NAPG: variants seen among roughly 807,000 people sequenced by gnomAD.
NAPG encodes the protein NSF attachment protein gamma.
In NAPG, 25 loss-of-function variants were observed where a neutral mutation model predicts 48.4. That is an observed-to-expected ratio of 0.52 (90% CI 0.38 to 0.72). The LOEUF (loss-of-function observed/expected upper bound fraction) is 0.72, where lower values mean the gene tolerates loss of function less well. Among genes scored for constraint, NAPG ranks in the 30% least tolerant of loss-of-function variants. The pLI is 0.00. For synonymous variants in NAPG, 139 were observed against 127.2 expected (o/e 1.09, Z -0.62); for missense variants, 359 against 372.5 (o/e 0.96, Z 0.30).
At chr18:10,536,488 T>C (rs559621727) in intron 5 of NAPG, among the ~76,000 whole-genome samples, 1 of 152,356 alleles carries the variant, frequency 6.6e-6, no homozygotes, top group South Asian at 2.1e-4. Context: ...ACTGCTGTGA[T>C]TTCATATCCT....
intron 1 of NAPG, among the ~76,000 whole-genome samples, chr18:10,529,955 A>G (rs936141949): frequency 6.6e-6 from 1 of 152,186 alleles, no homozygotes; most frequent in African/African-American, 2.4e-5. Flanking sequence ...GGCAATTTCT[A>G]TGCACACCCA....
At position 10,534,821 on chromosome 18, in the gene NAPG, A is replaced by G. The variant is rs2031999460; in HGVS notation, c.258+325A>G. On this transcript the variant is annotated intron_variant, in intron 5 of 11. Transcript: ENST00000322897. The surrounding 1 kb of genome is among the most constrained non-coding windows in gnomAD (Gnocchi z 5.0). ...CTCTACTTTTGAGAAGGACATCTAA[A>G]TGTAGTAAAATTTTATAAATATTAA... 6.6e-6 allele frequency among the ~76,000 whole-genome samples: 1 copy of G among 152,268 alleles called. No homozygotes were observed. Among genetic ancestry groups the G allele is most frequent in the African/African-American group, 2.4e-5 (1 of 41,478 alleles).
rs1030587473 is a variant in NAPG, at chr18:10,550,773, G to A, written c.*553G>A. The A allele has an allele frequency of 6.6e-6, 1 of 152,212 alleles. No homozygotes were observed. 9.4% of individuals were successfully genotyped at this position (152,212 alleles called of 1,614,324 possible). On this transcript the variant is annotated 3_prime_UTR_variant, in exon 12 of 12. Coordinates refer to ENST00000322897, the MANE Select transcript of NAPG (RefSeq NM_003826.3). Reference sequence around the variant, plus strand: ...ATTTTGAGCCTTACAATATTATTTAGCCCAATAAAAGATGCATTGAAGCTC... The same window carrying A: ...ATTTTGAGCCTTACAATATTATTTAACCCAATAAAAGATGCATTGAAGCTC...
intron 5 of NAPG, among the ~76,000 whole-genome samples, chr18:10,538,427 A>G (rs1011316190): frequency 1.3e-5 from 2 of 152,196 alleles, no homozygotes; most frequent in African/African-American, 4.8e-5. Flanking sequence ...AATTTTCATG[A>G]AAGTATCTAA....
chr18:10,529,198 G>A (rs1229095486), intron 1 of NAPG, among the ~76,000 whole-genome samples: 1 of 152,062 alleles, frequency 6.6e-6, no homozygotes, highest in African/African-American at 2.4e-5. Flanking sequence ...TTTTTAGTGG[G>A]ATTAAAAAAA....
chr18:10,546,455 A>C lies in NAPG; in HGVS notation c.585+51A>C. ...GGTATTACATTAGATGATTTTTTAT[A>C]CTGGTATGAATAAGTACTTAAGAAA... On this transcript the variant is annotated intron_variant, in intron 9 of 11. Coordinates refer to ENST00000322897, the MANE Select transcript of NAPG (RefSeq NM_003826.3). The surrounding 1 kb of genome is among the most constrained non-coding windows in gnomAD (Gnocchi z 4.0). 2 of 1,057,982 alleles carry C rather than the reference A, an allele frequency of 1.9e-6. No individual in the cohort carries two copies. Among genetic ancestry groups the C allele is most frequent in the South Asian group, 2.9e-5 (2 of 67,894 alleles). The allele number at this position is 1,057,982 out of a possible 1,614,324, so 65.5% of individuals were successfully genotyped here. A position where few individuals can be genotyped will look rare whatever the true frequency, so the allele number is the denominator to read the frequency against.
chr18:10,550,054 A>T, intron 11 of NAPG, 23 bp from the exon 12 acceptor site: 1 of 1,502,328 alleles, frequency 6.7e-7, no homozygotes, highest in Non-Finnish European at 8.8e-7. Flanking sequence ...CCAGCTTTTA[A>T]GAACATGTTC....
intron 1 of NAPG, among the ~76,000 whole-genome samples, chr18:10,527,637 C>T (rs994026985): frequency 9.2e-5 from 14 of 152,142 alleles, no homozygotes; most frequent in African/African-American, 3.4e-4. Flanking sequence ...GATTTGTGAG[C>T]AGAGCTTGAA....
chr18:10,544,582 G>C lies in NAPG; in HGVS notation c.507-1744G>C, dbSNP rs189341117. Among the ~76,000 whole-genome samples the C allele has an allele frequency of 6.6e-6, 1 of 152,294 alleles. No individual in the cohort carries two copies. Among genetic ancestry groups the C allele is most frequent in the African/African-American group, 2.4e-5 (1 of 41,550 alleles). On this transcript the variant is annotated intron_variant, in intron 8 of 11. Coordinates refer to ENST00000322897, the MANE Select transcript of NAPG (RefSeq NM_003826.3). This position sits in a 1 kb window ranked among gnomAD's most constrained non-coding sequence, Gnocchi z 5.1. Reference sequence around the variant, plus strand: ...GTTTGCTGCTAATTCGAGACATCAGGAGTACTCTGGCCTCTAACTTAAGGA... The same window carrying C: ...GTTTGCTGCTAATTCGAGACATCAGCAGTACTCTGGCCTCTAACTTAAGGA...
At position 10,534,037 on chromosome 18, in the gene NAPG, T is replaced by C. The variant is rs1255567302; in HGVS notation, c.228-429T>C. ...TGGCACGTGCCTGTAATCTCAGCTGTTGGGGAGGCTGAGGCAGGAGACTTG... is the reference window on the plus strand; with the variant it reads ...TGGCACGTGCCTGTAATCTCAGCTGCTGGGGAGGCTGAGGCAGGAGACTTG... On this transcript the variant is annotated intron_variant, in intron 4 of 11. Transcript: ENST00000322897. This position sits in a 1 kb window ranked among gnomAD's most constrained non-coding sequence, Gnocchi z 5.0. Among the ~76,000 whole-genome samples, 5 of 152,036 alleles carry C rather than the reference T, an allele frequency of 3.3e-5. No individual in the cohort carries two copies. The highest frequency in any genetic ancestry group is 1.2e-4 in the African/African-American group (5 of 41,400).
At chr18:10,535,834 T>C (rs1261498716) in intron 5 of NAPG, among the ~76,000 whole-genome samples, 3 of 152,226 alleles carry the variant, frequency 2.0e-5, no homozygotes, top group African/African-American at 7.2e-5. Flanking sequence ...TATATATCCA[T>C]TGAAATAAAG....
At chr18:10,540,735 A>T (rs512728) in intron 8 of NAPG, 3 of 185,194 alleles carry the variant, frequency 1.6e-5, no homozygotes, top group African/African-American at 4.7e-5. Flanking sequence ...GAATATTAGG[A>T]TAAATGACAA....
chr18:10,526,332 G>C, intron 1 of NAPG, 174 bp downstream of exon 1: 1 of 642,650 alleles, frequency 1.6e-6, no homozygotes. Flanking sequence ...TCCCGGGGTC[G>C]GGGTCAGCTC....
rs1397610219 is a variant in NAPG at position 10,546,924 on chromosome 18, T to C, written c.585+520T>C. On this transcript the variant is annotated intron_variant, in intron 9 of 11. Coordinates refer to ENST00000322897, the MANE Select transcript of NAPG (RefSeq NM_003826.3). The surrounding 1 kb of genome is among the most constrained non-coding windows in gnomAD (Gnocchi z 4.0). ...AGCTACACTGTGATGATGGCTCAGG[T>C]TGATAAAACTCCACAAGGACCCCAG... Among the ~76,000 whole-genome samples the C allele has an allele frequency of 6.6e-6, 1 of 152,176 alleles. No homozygotes were observed. The highest frequency in any genetic ancestry group is 1.5e-5 in the Non-Finnish European group (1 of 68,032).
At position 10,526,089 on chromosome 18, in the gene NAPG, A is replaced by G. The variant is rs369828767; in HGVS notation, c.-14A>G. 11 of 1,612,228 alleles carry G rather than the reference A, an allele frequency of 6.8e-6. No homozygotes were observed. Among genetic ancestry groups the G allele is most frequent in the Non-Finnish European group, 9.3e-6 (11 of 1,178,406 alleles). On this transcript the variant is annotated 5_prime_UTR_variant, in exon 1 of 12. Coordinates refer to ENST00000322897, the MANE Select transcript of NAPG (RefSeq NM_003826.3). ...GGGTCACCCTCTCTCCACGTCAGAG[A>G]CCTGACTGTGGAGATGGCGGCTCAG...
chr18:10,529,063 A>C (rs2031876831), intron 1 of NAPG, among the ~76,000 whole-genome samples: 1 of 152,212 alleles, frequency 6.6e-6, no homozygotes, highest in Non-Finnish European at 1.5e-5. Flanking sequence ...TGCTAAACCC[A>C]AATTAGCTGT....
At chr18:10,526,478 T>C in intron 1 of NAPG, 1 of 355,868 alleles carries the variant, frequency 2.8e-6, no homozygotes, top group Non-Finnish European at 5.1e-6. Context: ...AAGATTGTGG[T>C]GGGGGCTGTC....
intron 2 of NAPG, among the ~76,000 whole-genome samples, chr18:10,531,239 A>G (rs932033359): frequency 6.6e-6 from 1 of 152,194 alleles, no homozygotes; most frequent in Non-Finnish European, 1.5e-5. Flanking sequence ...CTGATACGCA[A>G]ATCATATGTT....
intron 1 of NAPG, among the ~76,000 whole-genome samples, chr18:10,528,546 G>A (rs3790133): frequency 0.099 from 15,013 of 152,256 alleles, 983 homozygotes; most frequent in East Asian, 0.24. Flanking sequence ...GTGGGTTGTC[G>A]ACTTCAGGGG....
Sources: gnomAD v4.1 joint callset for allele counts (sites outside exome capture counted in the v4.1 genomes callset) on GRCh38, gnomAD v4.1.1 for gene constraint, Gnocchi (gnomAD v3.1) non-coding constraint, MANE v1.5 for transcripts, NCBI Gene and HGNC (gene_info 2026-07-23, HGNC 2026-07-21) for gene names.